SUFU: variants seen among roughly 807,000 people sequenced by gnomAD.
SUFU encodes the protein suppressor of fused homolog.
Under a neutral mutation model 58.9 loss-of-function variants are expected in SUFU, and 7 were observed. That is an observed-to-expected ratio of 0.12 (90% CI 0.07 to 0.22). The LOEUF is 0.22. Among genes scored for constraint, SUFU ranks in the 10% least tolerant of loss-of-function variants. The pLI is 1.00. For synonymous variants in SUFU, 232 were observed against 254.8 expected, an observed-to-expected ratio of 0.91 and a Z score of 0.85; for missense variants, 451 against 641.3, an observed-to-expected ratio of 0.70 and a Z score of 3.20.
At chr10:102,570,095 TG>T (rs997733287) in intron 3 of SUFU, among the ~76,000 whole-genome samples, 1 of 152,190 alleles carries the variant, frequency 6.6e-6, no homozygotes, top group African/African-American at 2.4e-5. Context: ...GGATAGGCAC[TG>T]GGAGGCAGTA....
chr10:102,552,662 T>A (rs12247593), intron 3 of SUFU, among the ~76,000 whole-genome samples: 3 of 152,178 alleles, frequency 2.0e-5, no homozygotes, highest in Non-Finnish European at 4.4e-5. Context: ...TCCCTGGATG[T>A]GATTATGGTA....
At chr10:102,509,389 C>A in intron 2 of SUFU, 86 bp downstream of exon 2, 1 of 1,561,724 alleles carries the variant, frequency 6.4e-7, no homozygotes, top group Non-Finnish European at 8.8e-7. Context: ...GTGCTGTGAG[C>A]ATGGTACTTC....
intron 3 of SUFU, among the ~76,000 whole-genome samples, chr10:102,575,008 A>G (rs2063199188): frequency 6.6e-6 from 1 of 151,932 alleles, no homozygotes; most frequent in South Asian, 2.1e-4. Flanking sequence ...GTGAGCTGAG[A>G]TTGAGCCACT....
intron 8 of SUFU, among the ~76,000 whole-genome samples, chr10:102,603,090 C>T (rs138758043): frequency 1.4e-4 from 21 of 152,272 alleles, no homozygotes; most frequent in African/African-American, 4.3e-4. Flanking sequence ...ACATGGTCTA[C>T]GGAGTCTGGT....
intron 3 of SUFU, among the ~76,000 whole-genome samples, chr10:102,571,943 C>A (rs540270949): frequency 2.2e-4 from 33 of 152,282 alleles, no homozygotes; most frequent in Admixed American, 3.9e-4. Context: ...CCTTTCCTTG[C>A]AACTTTAGGA....
In SUFU at chr10:102,632,977, C is replaced by T. The variant is rs892979730; in HGVS notation, c.*2822C>T. 1 of 233,270 alleles carries T rather than the reference C, an allele frequency of 4.3e-6. No homozygotes were observed. The highest frequency in any genetic ancestry group is 8.5e-6 in the Non-Finnish European group (1 of 118,156). 14.5% of individuals were successfully genotyped at this position (233,270 alleles called of 1,614,324 possible). On this transcript the variant is annotated 3_prime_UTR_variant, in exon 12 of 12. Coordinates refer to ENST00000369902, the MANE Select transcript of SUFU (RefSeq NM_016169.4). ...GTATCTTTCTCTTCCAAGGGCAGTG[C>T]TCCAAGGCAGGGACTGGAGAAGCCA...
At chr10:102,621,538 G>A (rs1202123683) in intron 10 of SUFU, among the ~76,000 whole-genome samples, 1 of 152,186 alleles carries the variant, frequency 6.6e-6, no homozygotes, top group Non-Finnish European at 1.5e-5. Context: ...GACCTGGGTT[G>A]GGGGTGTTCT....
At chr10:102,541,536 C>A (rs1324237693) in intron 2 of SUFU, among the ~76,000 whole-genome samples, 1 of 149,602 alleles carries the variant, frequency 6.7e-6, no homozygotes, top group African/African-American at 2.5e-5. Flanking sequence ...GTAGCTGGAA[C>A]TACAGGCATG....
intron 2 of SUFU, among the ~76,000 whole-genome samples, chr10:102,543,410 G>T (rs917681678): frequency 6.6e-6 from 1 of 152,128 alleles, no homozygotes; most frequent in African/African-American, 2.4e-5. Context: ...AAAAATAAAT[G>T]AATAAAGCAT....
rs768909273 is a variant in SUFU, at chr10:102,626,935, C to G, written c.1297-240C>G. ...CCCAGCTCTCCCAGTGTCCTCCCTC[C>G]CCTCCCCATTGTCCCCTGACCCCTT... On this transcript the variant is annotated intron_variant, in intron 10 of 11. Transcript: ENST00000369902. Among the ~76,000 whole-genome samples, 4 of 152,064 alleles carry G rather than the reference C, an allele frequency of 2.6e-5. No individual in the cohort carries two copies. The South Asian group carries it at 8.3e-4, about 32-fold the overall frequency.
At chr10:102,509,029 G>A (rs1277846455) in intron 1 of SUFU, 140 bp from the exon 2 acceptor site, 3 of 1,167,048 alleles carry the variant, frequency 2.6e-6, no homozygotes, top group East Asian at 2.3e-5. Context: ...TCATTCTGGA[G>A]AGATGTGGCC....
intron 2 of SUFU, among the ~76,000 whole-genome samples, chr10:102,527,939 C>A (rs982715237): frequency 6.6e-6 from 1 of 152,184 alleles, no homozygotes; most frequent in Admixed American, 6.5e-5. Flanking sequence ...ACCTCGCTTC[C>A]CAAATCAGAC....
intron 8 of SUFU, among the ~76,000 whole-genome samples, chr10:102,605,154 T>A (rs2063551348): frequency 6.6e-6 from 1 of 151,878 alleles, no homozygotes; most frequent in African/African-American, 2.4e-5. Flanking sequence ...CCTGACCTTA[T>A]GATCTGCCCG....
chr10:102,628,450 G>A lies in SUFU; in HGVS notation c.1365+1207G>A, dbSNP rs2135956458. 6.6e-6 allele frequency among the ~76,000 whole-genome samples: 1 copy of A among 152,212 alleles called. No homozygotes were observed. Among genetic ancestry groups the A allele is most frequent in the Admixed American group, 6.5e-5 (1 of 15,290 alleles). On this transcript the variant is annotated intron_variant, in intron 11 of 11. Transcript: ENST00000369902. The surrounding 1 kb of genome is among the most constrained non-coding windows in gnomAD (Gnocchi z 4.5). ...GCCAATCAACCCCCACAAGTCACTG[G>A]TCCCTGAGTCCCAGCTCCCCATTCA... is the stretch of plus-strand genomic sequence containing the variant.
intron 2 of SUFU, among the ~76,000 whole-genome samples, chr10:102,535,514 G>A (rs1232097871): frequency 3.3e-5 from 5 of 149,868 alleles, no homozygotes; most frequent in African/African-American, 1.2e-4. Context: ...AGAAAAGAAA[G>A]AAAAAAGAAA....
In SUFU at chr10:102,598,727, T is replaced by G. The variant is rs139937820; in HGVS notation, c.911-706T>G. Among the ~76,000 whole-genome samples, 4 of 152,350 alleles carry G rather than the reference T, an allele frequency of 2.6e-5. No individual in the cohort carries two copies. In the East Asian group the frequency reaches 7.7e-4, roughly 29 times the overall value. ...AAGGCCACTCTTTGAGCAACTAATT[T>G]TAATTTGCTTTTTTGTATCTGTTTA... On this transcript the variant is annotated intron_variant, in intron 7 of 11. Coordinates refer to ENST00000369902, the MANE Select transcript of SUFU (RefSeq NM_016169.4).
At chr10:102,516,641 G>A (rs972263061) in intron 2 of SUFU, among the ~76,000 whole-genome samples, 2 of 151,846 alleles carry the variant, frequency 1.3e-5, no homozygotes, top group African/African-American at 2.4e-5. Context: ...TCCACCTCCC[G>A]GGTTCAAGCG....
intron 3 of SUFU, among the ~76,000 whole-genome samples, chr10:102,584,003 C>T (rs2063311546): frequency 6.6e-6 from 1 of 152,192 alleles, no homozygotes; most frequent in African/African-American, 2.4e-5. Context: ...CTACTGGGCA[C>T]TTGCTGGTAG....
chr10:102,593,594 G>T, intron 4 of SUFU, 42 bp from the exon 5 acceptor site: 1 of 1,599,368 alleles, frequency 6.3e-7, no homozygotes, highest in Non-Finnish European at 8.6e-7. Flanking sequence ...GGGGTGGGGG[G>T]TGGCCATTAA....
Sources: gnomAD v4.1 joint callset for allele counts (sites outside exome capture counted in the v4.1 genomes callset) on GRCh38, gnomAD v4.1.1 for gene constraint, Gnocchi (gnomAD v3.1) non-coding constraint, MANE v1.5 for transcripts, NCBI Gene and HGNC (gene_info 2026-07-23, HGNC 2026-07-21) for gene names.